The following PDE4D variants were observed in gnomAD, a reference collection of about 807,000 sequenced individuals.
PDE4D encodes phosphodiesterase 4D.
Under a neutral mutation model 87.4 loss-of-function variants are expected in PDE4D, and 24 were observed. The ratio of observed to expected loss-of-function variants is 0.27; its 90% CI spans 0.20 to 0.39. PDE4D has a LOEUF of 0.39. Ranked by LOEUF, PDE4D falls within the 10% of genes least tolerant of loss-of-function variation. The probability of loss-of-function intolerance (pLI) is 1.00; values close to 1 mark genes in which losing one functional copy is unlikely to be tolerated. For synonymous variants in PDE4D, 384 were observed against 383.2 expected (o/e 1.00, Z -0.02); for missense variants, 714 against 1,041.0 (o/e 0.69, Z 4.32).
At chr5:59,951,034 G>A (rs1758241067) in intron 3 of PDE4D, among the ~76,000 whole-genome samples, 2 of 152,058 alleles carry the variant, frequency 1.3e-5, no homozygotes, top group Admixed American at 6.5e-5. Flanking sequence ...ATGATTCAAA[G>A]TTCTTCATAA....
At chr5:59,883,509 G>A (rs1749743430) in intron 1 of PDE4D, among the ~76,000 whole-genome samples, 1 of 152,282 alleles carries the variant, frequency 6.6e-6, no homozygotes, top group African/African-American at 2.4e-5. Context: ...GGCCATCAAT[G>A]TGTAGTTTTA....
At chr5:59,534,757 G>A (rs1431192503) in intron 1 of PDE4D, among the ~76,000 whole-genome samples, 1 of 152,090 alleles carries the variant, frequency 6.6e-6, no homozygotes, top group East Asian at 1.9e-4. Flanking sequence ...CTCTTTTTAG[G>A]AAGATGAACT....
At chr5:60,399,275 T>C (rs1763107579) in intron 1 of PDE4D, among the ~76,000 whole-genome samples, 1 of 152,202 alleles carries the variant, frequency 6.6e-6, no homozygotes, top group Admixed American at 6.5e-5. Context: ...TATCTCTTTA[T>C]ATTTTCTTCT....
chr5:59,490,279 G>A (rs1805946511), intron 1 of PDE4D, among the ~76,000 whole-genome samples: 1 of 152,054 alleles, frequency 6.6e-6, no homozygotes. Flanking sequence ...TAATATATTG[G>A]CTGTTTCTCA....
intron 1 of PDE4D, among the ~76,000 whole-genome samples, chr5:60,207,258 C>A (rs1437528511): frequency 6.6e-6 from 1 of 152,154 alleles, no homozygotes; most frequent in Non-Finnish European, 1.5e-5. Flanking sequence ...TTGTTACAGG[C>A]AGCTGAGGTA....
chr5:60,462,481 G>A (rs1238506514), intron 1 of PDE4D, among the ~76,000 whole-genome samples: 1 of 152,122 alleles, frequency 6.6e-6, no homozygotes, highest in African/African-American at 2.4e-5. Context: ...TGTTAGGGGT[G>A]AGCCTGGAAT....
At chr5:60,221,689 T>C (rs969234478) in intron 1 of PDE4D, among the ~76,000 whole-genome samples, 1 of 152,182 alleles carries the variant, frequency 6.6e-6, no homozygotes, top group Non-Finnish European at 1.5e-5. Context: ...TAGGATTGCA[T>C]ACAAGTCGAA....
chr5:59,777,387 T>A (rs1764184702), intron 1 of PDE4D, among the ~76,000 whole-genome samples: 2 of 152,292 alleles, frequency 1.3e-5, no homozygotes, highest in South Asian at 4.1e-4. Flanking sequence ...GTTGGGAGAC[T>A]ATGGACAAAC....
At chr5:59,945,636 C>T (rs184700391) in intron 3 of PDE4D, among the ~76,000 whole-genome samples, 239 of 152,304 alleles carry the variant, frequency 1.6e-3, no homozygotes, top group Non-Finnish European at 1.9e-3. Context: ...GCTTTATTCT[C>T]CTTTCTAACA....
chr5:60,420,938 G>C (rs1743036971), intron 1 of PDE4D, among the ~76,000 whole-genome samples: 1 of 152,214 alleles, frequency 6.6e-6, no homozygotes, highest in Non-Finnish European at 1.5e-5. Flanking sequence ...ATTGCTAGCA[G>C]AGCAATCTGA....
At chr5:59,610,087 T>C (rs1164939908) in intron 1 of PDE4D, among the ~76,000 whole-genome samples, 1 of 152,104 alleles carries the variant, frequency 6.6e-6, no homozygotes, top group Non-Finnish European at 1.5e-5. Flanking sequence ...AACAAACTGG[T>C]TGGTGTCTGC....
chr5:60,325,936 G>A (rs986429738), intron 1 of PDE4D, among the ~76,000 whole-genome samples: 3 of 152,046 alleles, frequency 2.0e-5, no homozygotes, highest in Non-Finnish European at 4.4e-5. Flanking sequence ...CTTGGGGATT[G>A]GCTTTTTCCA....
chr5:59,728,623 C>T (rs1202541689), intron 1 of PDE4D, among the ~76,000 whole-genome samples: 1 of 152,020 alleles, frequency 6.6e-6, no homozygotes, highest in Admixed American at 6.6e-5. Context: ...CTTACATAAA[C>T]AATTATTCAT....
intron 1 of PDE4D, among the ~76,000 whole-genome samples, chr5:60,438,652 T>C (rs1380066789): frequency 2.0e-5 from 3 of 151,986 alleles, no homozygotes; most frequent in Non-Finnish European, 4.4e-5. Flanking sequence ...TTGAAAGATG[T>C]CAGAAAAAAT....
chr5:60,069,242 C>G (rs1316998909), intron 2 of PDE4D, among the ~76,000 whole-genome samples: 2 of 152,090 alleles, frequency 1.3e-5, no homozygotes, highest in Non-Finnish European at 2.9e-5. Context: ...CATTAGGAGA[C>G]GGGGACTTAC....
rs368701012 is a variant in PDE4D, at chr5:60,336,828, C to T, written c.-90+151114G>A. 5.5e-4 allele frequency among the ~76,000 whole-genome samples: 83 copies of T among 152,182 alleles called. 1 individual carries two copies. The South Asian group carries it at 0.017, about 31-fold the overall frequency. ...ATCCAGTGGGGTTGGGTTGGGTTGC[C>T]AGATAAAATACAGGATGCCCAATTA... is the stretch of plus-strand genomic sequence containing the variant. On this transcript the variant is annotated intron_variant, in intron 1 of 16. Transcript: ENST00000502484.
chr5:59,238,598 C>G (rs1388152517), intron 1 of PDE4D, among the ~76,000 whole-genome samples: 1 of 152,132 alleles, frequency 6.6e-6, no homozygotes, highest in Non-Finnish European at 1.5e-5. Context: ...TGCCTTTCCC[C>G]AGCCCTACTA....
chr5:60,467,835 T>C (rs902569303), intron 1 of PDE4D, among the ~76,000 whole-genome samples: 4 of 152,118 alleles, frequency 2.6e-5, no homozygotes, highest in African/African-American at 9.7e-5. Context: ...GGGGATGTGC[T>C]ACACATTTTT....
intron 1 of PDE4D, among the ~76,000 whole-genome samples, chr5:59,822,357 T>A (rs1001474042): frequency 2.6e-5 from 4 of 152,212 alleles, no homozygotes; most frequent in Admixed American, 6.5e-5. Flanking sequence ...GTTTTCTATA[T>A]ACTTTTCACA....
Sources: gnomAD v4.1 joint callset for allele counts (sites outside exome capture counted in the v4.1 genomes callset) on GRCh38, gnomAD v4.1.1 for gene constraint, MANE v1.5 for transcripts, NCBI Gene and HGNC (gene_info 2026-07-23, HGNC 2026-07-21) for gene names.